The following RGS14 variants were observed in gnomAD, a reference collection of about 807,000 sequenced individuals.
RGS14 encodes regulator of G protein signaling 14.
A neutral mutation model predicts 63.8 loss-of-function variants in RGS14; 33 were observed. The ratio of observed to expected loss-of-function variants is 0.52; its 90% confidence interval spans 0.39 to 0.69. The LOEUF (loss-of-function observed/expected upper bound fraction) is 0.69. Among genes scored for constraint, RGS14 ranks in the 30% least tolerant of loss-of-function variants. RGS14 has a pLI of 0.00. For missense variants in RGS14, 739 were observed against 742.9 expected, an observed-to-expected ratio of 0.99 and a Z score of 0.06; for synonymous variants, 296 against 320.9, an observed-to-expected ratio of 0.92 and a Z score of 0.83.
At chr5:177,366,397 G>A (rs1762094003) in intron 3 of RGS14, 42 bp downstream of exon 3, 1 of 1,490,700 alleles carries the variant, frequency 6.7e-7, no homozygotes, top group Non-Finnish European at 9.0e-7. Flanking sequence ...ACACGGGAGA[G>A]GGCAGGGCGT....
rs769988856 is a variant in RGS14 at position 177,371,120 on chromosome 5, G to GCCGGGC, written c.1255-44_1255-39dup. ...GGCCGGGGCCGGGGCCGGGGCCGGG[G>GCCGGGC]CCGGGCGGAGGCCTGTACCGCGGGC... On this transcript the variant is annotated intron_variant, in intron 11 of 14. Coordinates refer to ENST00000408923, the MANE Select transcript of RGS14 (RefSeq NM_006480.5). This position sits in a 1 kb window ranked among gnomAD's most constrained non-coding sequence, Gnocchi z 6.1. 7.2e-7 allele frequency: 1 copy of GCCGGGC among 1,396,622 alleles called. No homozygotes were observed. Among genetic ancestry groups the GCCGGGC allele is most frequent in the Non-Finnish European group, 9.7e-7 (1 of 1,032,796 alleles). 86.5% of individuals were successfully genotyped at this position (1,396,622 alleles called of 1,614,324 possible).
chr5:177,367,596 G>T, intron 6 of RGS14, 39 bp downstream of exon 6: 4 of 1,587,420 alleles, frequency 2.5e-6, no homozygotes, highest in Non-Finnish European at 3.4e-6. Context: ...GAGGCAGGGG[G>T]TCCTGCGGAC....
At chr5:177,369,320 G>T (rs752224101) in intron 9 of RGS14, among the ~76,000 whole-genome samples, 1 of 152,076 alleles carries the variant, frequency 6.6e-6, no homozygotes, top group African/African-American at 2.4e-5. Context: ...TTTCCTTTAG[G>T]TGCAAACTAG....
chr5:177,367,350 G>C, intron 5 of RGS14, 64 bp from the exon 6 acceptor site: 3 of 1,520,428 alleles, frequency 2.0e-6, no homozygotes, highest in Non-Finnish European at 2.7e-6. Flanking sequence ...GACCCGGCCT[G>C]GGTGCAGGCA....
Position 177,370,637 on chromosome 5 carries a change from T to C in RGS14, c.1100T>C (p.Val367Ala). Residue 367 changes from valine to alanine, a missense_variant, in exon 10 of 15, where the codon GTG becomes GCG. Val to Ala is a moderately conservative substitution (Grantham distance 64). Transcript: ENST00000408923. ...TGCACCGTGCTGGCGGATCAGGAAG[T>C]GCGGCTGGAAAACAGGATCACCTTC... ...QDCTVLADQEVRLENRITFEL... is the reference protein window; with the variant it reads ...QDCTVLADQEARLENRITFEL... The C allele has an allele frequency of 6.2e-7, 1 of 1,614,018 alleles. No homozygotes were observed. The highest frequency in any genetic ancestry group is 1.1e-5 in the South Asian group (1 of 91,082).
rs998819858 is a variant in RGS14, at chr5:177,364,166, A to G, written c.46-1797A>G. Among the ~76,000 whole-genome samples, 3 of 150,910 alleles carry G rather than the reference A, an allele frequency of 2.0e-5. No homozygotes were observed. Among genetic ancestry groups the G allele is most frequent in the African/African-American group, 7.3e-5 (3 of 40,962 alleles). ...AGTAGGAAACAGAGAGGAAGGTTCC[A>G]TTCAGGAGGGTGGGGGTTGGGGGGC... On this transcript the variant is annotated intron_variant, in intron 1 of 14. Transcript: ENST00000408923. This position sits in a 1 kb window ranked among gnomAD's most constrained non-coding sequence, Gnocchi z 4.6.
At chr5:177,370,884 C>T in intron 10 of RGS14, 21 bp from the exon 11 acceptor site, 1 of 1,592,740 alleles carries the variant, frequency 6.3e-7, no homozygotes. Context: ...CGGCCCTCTG[C>T]TGCCCGAGGG....
Position 177,358,217 on chromosome 5 carries a change from G to A in RGS14, c.45+148G>A, listed in dbSNP as rs1189434350. 1.0e-5 allele frequency: 6 copies of A among 590,942 alleles called. No homozygotes were observed. The highest frequency in any genetic ancestry group is 9.6e-5 in the African/African-American group (5 of 52,046). The allele number at this position is 590,942 out of a possible 1,614,324, so 36.6% of individuals were successfully genotyped here. A position where few individuals can be genotyped will look rare whatever the true frequency, so the allele number is the denominator to read the frequency against. Reference sequence around the variant, plus strand: ...GGGTACAGACAGCAGCAGGTGGTAGGACCTGGTGCTCTCACCCCTAGACCC... The same window carrying A: ...GGGTACAGACAGCAGCAGGTGGTAGAACCTGGTGCTCTCACCCCTAGACCC... On this transcript the variant is annotated intron_variant, in intron 1 of 14. Transcript: ENST00000408923. The surrounding 1 kb of genome is among the most constrained non-coding windows in gnomAD (Gnocchi z 4.8).
chr5:177,363,398 A>G (rs898365306), intron 1 of RGS14, among the ~76,000 whole-genome samples: 1 of 151,976 alleles, frequency 6.6e-6, no homozygotes, highest in Non-Finnish European at 1.5e-5. Flanking sequence ...CTCCACTGCA[A>G]CTTCTTATTC....
At chr5:177,367,343 C>T (rs1208110922) in intron 5 of RGS14, 71 bp from the exon 6 acceptor site, 11 of 1,506,532 alleles carry the variant, frequency 7.3e-6, no homozygotes, top group South Asian at 1.3e-5. Flanking sequence ...CCCCAAGGAC[C>T]CGGCCTGGGT....
chr5:177,368,383 C>G, intron 8 of RGS14, 117 bp downstream of exon 8: 1 of 1,112,800 alleles, frequency 9.0e-7, no homozygotes, highest in Non-Finnish European at 1.3e-6. Context: ...CCAGCTTGCT[C>G]TGCGTAGCCA....
intron 5 of RGS14, 45 bp from the exon 6 acceptor site, chr5:177,367,369 C>A: frequency 6.5e-7 from 1 of 1,548,302 alleles, no homozygotes; most frequent in Non-Finnish European, 8.8e-7. Flanking sequence ...CAGCCCAGCG[C>A]CCCCACCCCA....
At position 177,367,798 on chromosome 5, in the gene RGS14, C is replaced by T. The variant is rs376051710; in HGVS notation, c.712C>T (p.Arg238Cys). Residue 238 changes from arginine (R) to cysteine (C), a missense_variant, in exon 7 of 15, where the codon CGC becomes TGC. Physicochemically the swap from Arg to Cys is radical, Grantham distance 180. Transcript: ENST00000408923. ...QLPPVEGPGG[R>C]PLRKSFRREL... ...GCCACCCGTTGAGGGTCCTGGGGGC[C>T]GCCCTCTCCGCAAGTCCTTCCGCCG... 7 of 1,605,176 alleles carry T rather than the reference C, an allele frequency of 4.4e-6. No individual in the cohort carries two copies. The highest frequency in any genetic ancestry group is 6.0e-6 in the Non-Finnish European group (7 of 1,175,864).
In RGS14 at chr5:177,366,994, C is replaced by T. The variant is rs781268208; in HGVS notation, c.443C>T (p.Ala148Val). The T allele has an allele frequency of 3.1e-6, 5 of 1,613,166 alleles. No individual in the cohort carries two copies. The South Asian group carries it at 4.4e-5, about 14-fold the overall frequency. ...RQAWLGEEVL[A>V]EPRPDMFRAQ... ...GCCTGGCTTGGCGAGGAGGTGCTGGCCGAGCCCCGGCCGGACATGTTTCGG... is the reference window on the plus strand; with the variant it reads ...GCCTGGCTTGGCGAGGAGGTGCTGGTCGAGCCCCGGCCGGACATGTTTCGG... The change falls in exon 5 of 15, where the codon GCC (alanine) becomes GTC (valine). Residue 148 changes from alanine to valine, a missense_variant. Ala to Val is a moderately conservative substitution (Grantham distance 64). Transcript: ENST00000408923.
At chr5:177,363,430 A>C (rs1395232533) in intron 1 of RGS14, among the ~76,000 whole-genome samples, 1 of 151,888 alleles carries the variant, frequency 6.6e-6, no homozygotes, top group African/African-American at 2.4e-5. Context: ...ATGGGAAGCG[A>C]AGCTCAGGGA....
In RGS14 at chr5:177,371,108, G is replaced by A; in HGVS notation, c.1255-57G>A. ...GGCCGGGGCCGGGGCCGGGGCCGGG[G>A]CCGGGGCCGGGGCCGGGCGGAGGCC... On this transcript the variant is annotated intron_variant, in intron 11 of 14. Coordinates refer to ENST00000408923, the MANE Select transcript of RGS14 (RefSeq NM_006480.5). The surrounding 1 kb of genome is among the most constrained non-coding windows in gnomAD (Gnocchi z 6.1). 1 of 1,155,504 alleles carries A rather than the reference G, an allele frequency of 8.7e-7. No homozygotes were observed. Among genetic ancestry groups the A allele is most frequent in the Middle Eastern group, 3.6e-4 (1 of 2,806 alleles). 71.6% of individuals were successfully genotyped at this position (1,155,504 alleles called of 1,614,324 possible). A position where few individuals can be genotyped will look rare whatever the true frequency, so the allele number is the denominator to read the frequency against.
Position 177,367,002 on chromosome 5 carries a change from C to A in RGS14, c.451C>A (p.Arg151=). 9 of 1,612,702 alleles carry A rather than the reference C, an allele frequency of 5.6e-6. No individual in the cohort carries two copies. The highest frequency in any genetic ancestry group is 5.9e-6 in the Non-Finnish European group (7 of 1,179,790). ...TGGCGAGGAGGTGCTGGCCGAGCCC[C>A]GGCCGGACATGTTTCGGGCACAGCA... ...WLGEEVLAEP[R]PDMFRAQQLQ... is the part of the protein sequence containing the mutation. Residue 151 remains arginine, a synonymous_variant, in exon 5 of 15, where the codon CGG becomes AGG. Transcript: ENST00000408923.
chr5:177,368,707 C>T lies in RGS14; in HGVS notation c.850-10C>T, dbSNP rs369697365. On this transcript the variant is annotated splice_polypyrimidine_tract_variant and intron_variant, in intron 8 of 14. Transcript: ENST00000408923. ...TACACATAATCTCCCCCACTCCTGCCATGAATCAGAGCCACCGGAAGAGCC... is the reference window on the plus strand; with the variant it reads ...TACACATAATCTCCCCCACTCCTGCTATGAATCAGAGCCACCGGAAGAGCC... 293 of 1,613,878 alleles carry T rather than the reference C, an allele frequency of 1.8e-4. No individual in the cohort carries two copies. In the African/African-American group the frequency reaches 3.4e-3, roughly 19 times the overall value.
At chr5:177,365,357 TA>T (rs1374347002) in intron 1 of RGS14, among the ~76,000 whole-genome samples, 24 of 151,408 alleles carry the variant, frequency 1.6e-4, no homozygotes, top group Admixed American at 1.4e-3. Flanking sequence ...CACATCCAGC[TA>T]ATTTTTTTTT....
Sources: gnomAD v4.1 joint callset for allele counts (sites outside exome capture counted in the v4.1 genomes callset) on GRCh38, gnomAD v4.1.1 for gene constraint, Gnocchi (gnomAD v3.1) non-coding constraint, MANE v1.5 for transcripts, NCBI Gene and HGNC (gene_info 2026-07-23, HGNC 2026-07-21) for gene names.